The following ZFHX3 variants were observed in gnomAD, a reference collection of about 807,000 sequenced individuals.
ZFHX3 encodes the protein zinc finger homeobox 3, also known as zinc finger homeobox protein 3.
ZFHX3 carries 42 observed loss-of-function variants against 279.1 expected under a neutral mutation model. The ratio of observed to expected loss-of-function variants is 0.15; its 90% CI spans 0.12 to 0.19. The LOEUF (loss-of-function observed/expected upper bound fraction) is 0.19, where lower values mean the gene tolerates loss of function less well. Ranked by LOEUF, ZFHX3 falls within the 10% of genes least tolerant of loss-of-function variation. The pLI is 1.00. For synonymous variants in ZFHX3, 2,293 were observed against 1,957.8 expected (o/e 1.17, Z -4.52); for missense variants, 4,981 against 4,754.0 (o/e 1.05, Z -1.40).
intron 3 of ZFHX3, among the ~76,000 whole-genome samples, chr16:73,349,311 C>G (rs1372530923): frequency 6.6e-6 from 1 of 152,182 alleles, no homozygotes. Flanking sequence ...CACTGCAACC[C>G]TGACACCTAG....
intron 5 of ZFHX3, among the ~76,000 whole-genome samples, chr16:73,208,480 A>T (rs2011888371): frequency 6.6e-6 from 1 of 152,230 alleles, no homozygotes; most frequent in South Asian, 2.1e-4. Context: ...AAATTTTCAA[A>T]GATTTAAATG....
At position 72,794,838 on chromosome 16, in the gene ZFHX3, T is replaced by G; in HGVS notation, c.7844A>C (p.Lys2615Thr). ...ACTGGCCTTTTCCTCCAGCTTCCTC[T>G]TGAGAGTGTTCATTGTGGAGGTTGG... is the stretch of plus-strand genomic sequence containing the variant. ...STPTSTMNTL[K>T]RKLEEKASAS... Residue 2615 changes from lysine to threonine, a missense_variant, in exon 9 of 10, where the codon AAG becomes ACG. Transcript: ENST00000268489. The surrounding 1 kb of genome is among the most constrained non-coding windows in gnomAD (Gnocchi z 4.2). 6.2e-7 allele frequency: 1 copy of G among 1,614,082 alleles called. No individual in the cohort carries two copies. Among genetic ancestry groups the G allele is most frequent in the Non-Finnish European group, 8.5e-7 (1 of 1,180,026 alleles).
At chr16:73,266,209 C>T (rs181580769) in intron 4 of ZFHX3, among the ~76,000 whole-genome samples, 9 of 152,286 alleles carry the variant, frequency 5.9e-5, no homozygotes, top group Non-Finnish European at 1.0e-4. Flanking sequence ...TGGGCAGTTG[C>T]GACTGGGTTC....
At chr16:73,454,597 A>T (rs2018338856) in intron 3 of ZFHX3, among the ~76,000 whole-genome samples, 1 of 147,262 alleles carries the variant, frequency 6.8e-6, no homozygotes, top group African/African-American at 2.5e-5. Context: ...AAAGCCATTT[A>T]CACAGATCTC....
At chr16:73,030,799 C>T (rs1402285362) in intron 1 of ZFHX3, among the ~76,000 whole-genome samples, 7 of 152,204 alleles carry the variant, frequency 4.6e-5, no homozygotes, top group Admixed American at 1.3e-4. Flanking sequence ...CTCCCTTGCA[C>T]GCCCCTCTCA....
At chr16:73,837,825 G>A (rs1405520970) in intron 1 of ZFHX3, among the ~76,000 whole-genome samples, 3 of 152,022 alleles carry the variant, frequency 2.0e-5, no homozygotes, top group African/African-American at 7.2e-5. Context: ...TAGTAGAAAC[G>A]GGGTTTCTCC....
chr16:73,190,335 A>G (rs1411805190), intron 5 of ZFHX3, among the ~76,000 whole-genome samples: 1 of 152,196 alleles, frequency 6.6e-6, no homozygotes, highest in Non-Finnish European at 1.5e-5. Flanking sequence ...GCAAGGAAAC[A>G]ATTATAGGAA....
intron 2 of ZFHX3, among the ~76,000 whole-genome samples, chr16:73,502,632 G>T (rs1355596150): frequency 6.6e-6 from 1 of 152,208 alleles, no homozygotes; most frequent in Non-Finnish European, 1.5e-5. Flanking sequence ...AGTAAGCAGA[G>T]AAAGAGATCA....
intron 4 of ZFHX3, among the ~76,000 whole-genome samples, chr16:72,848,414 A>G (rs1401563663): frequency 1.3e-5 from 2 of 152,092 alleles, no homozygotes; most frequent in Non-Finnish European, 2.9e-5. Flanking sequence ...TTAATTTTCA[A>G]TTAGGGAATC....
intron 2 of ZFHX3, among the ~76,000 whole-genome samples, chr16:73,470,654 G>T (rs1172189359): frequency 1.3e-5 from 2 of 152,122 alleles, no homozygotes; most frequent in African/African-American, 4.8e-5. Flanking sequence ...AACCTCACAC[G>T]CATTCATGTA....
intron 4 of ZFHX3, among the ~76,000 whole-genome samples, chr16:73,311,105 C>G (rs1391070793): frequency 6.6e-6 from 1 of 151,790 alleles, no homozygotes; most frequent in South Asian, 2.1e-4. Context: ...TGGTGGCAGG[C>G]GCCTGTAATC....
intron 6 of ZFHX3, among the ~76,000 whole-genome samples, chr16:73,140,196 G>C (rs755123357): frequency 6.6e-6 from 1 of 151,794 alleles, no homozygotes; most frequent in Non-Finnish European, 1.5e-5. Context: ...TTAAGTTTGA[G>C]GCTGCAGTGA....
chr16:73,325,928 A>ACAAAACACACAC (rs1567451240), intron 3 of ZFHX3, among the ~76,000 whole-genome samples: 1 of 145,492 alleles, frequency 6.9e-6, no homozygotes, highest in Non-Finnish European at 1.5e-5. Flanking sequence ...CACACACACA[A>ACAAAACACACAC]ACACACACAC....
chr16:72,872,674 G>A (rs113744828), intron 4 of ZFHX3, among the ~76,000 whole-genome samples: 1 of 152,132 alleles, frequency 6.6e-6, no homozygotes, highest in African/African-American at 2.4e-5. Flanking sequence ...GGCCAGGCTC[G>A]TCTCAAACTC....
intron 2 of ZFHX3, among the ~76,000 whole-genome samples, chr16:73,571,402 T>C (rs1279685180): frequency 6.6e-6 from 1 of 152,134 alleles, no homozygotes; most frequent in Non-Finnish European, 1.5e-5. Context: ...TATGGAGATA[T>C]ATGTGTATTT....
chr16:73,215,653 GT>G (rs2012178340), intron 5 of ZFHX3, among the ~76,000 whole-genome samples: 2 of 152,052 alleles, frequency 1.3e-5, no homozygotes, highest in Non-Finnish European at 2.9e-5. Context: ...AAACTGCTGT[GT>G]TTTCTCCACC....
At chr16:72,810,135 T>C (rs1173482068) in intron 7 of ZFHX3, among the ~76,000 whole-genome samples, 1 of 152,018 alleles carries the variant, frequency 6.6e-6, no homozygotes, top group East Asian at 1.9e-4. Context: ...CCACCCACCT[T>C]GGCCTCCCAA....
At chr16:73,847,078 G>A (rs1019336297) in intron 1 of ZFHX3, among the ~76,000 whole-genome samples, 37 of 143,826 alleles carry the variant, frequency 2.6e-4, no homozygotes, top group Non-Finnish European at 1.2e-4. Flanking sequence ...GAGGCAGGAG[G>A]ATCACCTGAG....
chr16:73,847,071 GCAGGAGGATCAC>G (rs199598106), intron 1 of ZFHX3, among the ~76,000 whole-genome samples: 4,288 of 152,238 alleles, frequency 0.028, 203 homozygotes, highest in African/African-American at 0.1. Context: ...GGAGGCTGAG[GCAGGAGGATCAC>G]CTGAGGTCAG....
Sources: gnomAD v4.1 joint callset for allele counts (sites outside exome capture counted in the v4.1 genomes callset) on GRCh38, gnomAD v4.1.1 for gene constraint, Gnocchi (gnomAD v3.1) non-coding constraint, MANE v1.5 for transcripts, NCBI Gene and HGNC (gene_info 2026-07-23, HGNC 2026-07-21) for gene names.